The following TNPO1 variants were observed in gnomAD, a reference collection of about 807,000 sequenced individuals.
The protein encoded by TNPO1 is transportin 1, also known as transportin-1.
Under a neutral mutation model 119.5 loss-of-function variants are expected in TNPO1, and 8 were observed. That is an observed-to-expected ratio of 0.07 (90% CI 0.04 to 0.12). The LOEUF (loss-of-function observed/expected upper bound fraction) is 0.12. Among genes scored for constraint, TNPO1 ranks in the 10% least tolerant of loss-of-function variants. The pLI is 1.00. For missense variants in TNPO1, 576 were observed against 1,089.8 expected (o/e 0.53, Z 6.64); for synonymous variants, 362 against 363.0 (o/e 1.00, Z 0.03).
intron 23 of TNPO1, 40 bp from the exon 24 acceptor site, chr5:72,905,263 C>G (rs768598101): frequency 8.2e-6 from 12 of 1,457,368 alleles, no homozygotes; most frequent in Middle Eastern, 4.9e-4. Flanking sequence ...CTGAATTTTT[C>G]TCTTGTTATT....
intron 14 of TNPO1, among the ~76,000 whole-genome samples, chr5:72,891,266 A>G (rs1172432092): frequency 1.3e-5 from 2 of 152,084 alleles, no homozygotes; most frequent in Non-Finnish European, 2.9e-5. Context: ...GGAGATCGAC[A>G]CCATCCTGGC....
intron 1 of TNPO1, among the ~76,000 whole-genome samples, chr5:72,824,545 T>C (rs149947009): frequency 7.4e-4 from 113 of 152,326 alleles, no homozygotes; most frequent in African/African-American, 2.7e-3. Flanking sequence ...AGCTGTTTGC[T>C]TCCCTTAGCC....
At chr5:72,904,273 C>G (rs1337782620) in intron 23 of TNPO1, among the ~76,000 whole-genome samples, 1 of 152,152 alleles carries the variant, frequency 6.6e-6, no homozygotes, top group Admixed American at 6.5e-5. Context: ...GTCGTGAACT[C>G]AAAGCTTGTG....
chr5:72,844,002 A>G (rs1023701777), intron 1 of TNPO1, among the ~76,000 whole-genome samples: 4 of 152,226 alleles, frequency 2.6e-5, no homozygotes, highest in Non-Finnish European at 5.9e-5. Flanking sequence ...CACTGAGCAC[A>G]TGGTAGTTCT....
chr5:72,868,459 A>AAAAAC (rs1747117985), intron 6 of TNPO1, among the ~76,000 whole-genome samples: 1 of 109,304 alleles, frequency 9.1e-6, no homozygotes, highest in South Asian at 2.6e-4. Flanking sequence ...AAAAAAAAAA[A>AAAAAC]CACAAAATAA....
intron 1 of TNPO1, among the ~76,000 whole-genome samples, chr5:72,823,299 C>G (rs1424293974): frequency 6.6e-6 from 1 of 152,116 alleles, no homozygotes; most frequent in Non-Finnish European, 1.5e-5. Flanking sequence ...GTCCCACTCT[C>G]CAGTCTTTAT....
chr5:72,831,123 G>T (rs946286317), intron 1 of TNPO1, among the ~76,000 whole-genome samples: 5 of 152,028 alleles, frequency 3.3e-5, no homozygotes, highest in African/African-American at 4.8e-5. Flanking sequence ...TTGCAGTAGA[G>T]ATTTTATTAT....
intron 1 of TNPO1, among the ~76,000 whole-genome samples, chr5:72,821,463 T>C (rs1743953473): frequency 6.6e-6 from 1 of 152,202 alleles, no homozygotes; most frequent in Non-Finnish European, 1.5e-5. Context: ...GATAAGAATA[T>C]AAAAGTACAG....
At chr5:72,884,766 A>G (rs566943638) in intron 11 of TNPO1, among the ~76,000 whole-genome samples, 2 of 150,752 alleles carry the variant, frequency 1.3e-5, no homozygotes, top group Admixed American at 6.6e-5. Context: ...TTTTTTTTCT[A>G]CATGTGAATG....
chr5:72,856,511 G>A (rs1445182684), intron 4 of TNPO1, among the ~76,000 whole-genome samples: 1 of 150,706 alleles, frequency 6.6e-6, no homozygotes, highest in Non-Finnish European at 1.5e-5. Flanking sequence ...GAGATTACAG[G>A]CCTGAGCCAT....
At chr5:72,875,809 T>G in intron 8 of TNPO1, 72 bp downstream of exon 8, 1 of 1,495,616 alleles carries the variant, frequency 6.7e-7, no homozygotes, top group Non-Finnish European at 9.1e-7. Flanking sequence ...AAATACAACA[T>G]ACCGGATGGG....
chr5:72,816,664 C>A lies in TNPO1; in HGVS notation c.-74C>A. 1.4e-6 allele frequency: 2 copies of A among 1,478,734 alleles called. No individual in the cohort carries two copies. The highest frequency in any genetic ancestry group is 2.7e-5 in the East Asian group (1 of 37,166). The allele number at this position is 1,478,734 out of a possible 1,614,324, so 91.6% of individuals were successfully genotyped here. A position where few individuals can be genotyped will look rare whatever the true frequency, so the allele number is the denominator to read the frequency against. On this transcript the variant is annotated 5_prime_UTR_variant, in exon 1 of 25. Coordinates refer to ENST00000337273, the MANE Select transcript of TNPO1 (RefSeq NM_002270.4). ...CGGTGAAGCCCAGATTCTCTTTGTT[C>A]CGCAGCCATTTCAGGCCCCGGACAG...
chr5:72,871,859 A>G (rs1183307331), intron 6 of TNPO1: 1 of 152,250 alleles, frequency 6.6e-6, no homozygotes, highest in Non-Finnish European at 1.5e-5. Flanking sequence ...ACTATGTCCC[A>G]TGGAGCCAAA....
chr5:72,848,009 A>G (rs534099022), intron 1 of TNPO1: 6 of 968,706 alleles, frequency 6.2e-6, no homozygotes, highest in East Asian at 1.1e-4. Context: ...CCCTTAAGTC[A>G]GTAGTAATCT....
chr5:72,896,223 A>G (rs575697857), intron 18 of TNPO1, among the ~76,000 whole-genome samples: 8 of 152,290 alleles, frequency 5.3e-5, no homozygotes, highest in African/African-American at 1.9e-4. Flanking sequence ...CATTGGCCAG[A>G]TACTGTTTTC....
intron 14 of TNPO1, 37 bp from the exon 15 acceptor site, chr5:72,891,773 T>C (rs150305839): frequency 0.011 from 15,592 of 1,416,734 alleles, 107 homozygotes; most frequent in Non-Finnish European, 0.013. Context: ...TGACATGTGA[T>C]AGTGGAATTT....
rs527446122 is a variant in TNPO1, at chr5:72,893,807, T to G, written c.2143+104T>G. 3.3e-5 allele frequency: 35 copies of G among 1,066,506 alleles called. No homozygotes were observed. The South Asian group carries it at 4.3e-4, about 13-fold the overall frequency. The allele number at this position is 1,066,506 out of a possible 1,614,324, so 66.1% of individuals were successfully genotyped here. A position where few individuals can be genotyped will look rare whatever the true frequency, so the allele number is the denominator to read the frequency against. On this transcript the variant is annotated intron_variant, in intron 18 of 24. Transcript: ENST00000337273. ...CTGAAATTGCATGGAATCCCAACAT[T>G]TATAAATGTACACTTTATTGGTTAA...
intron 1 of TNPO1, among the ~76,000 whole-genome samples, chr5:72,832,822 C>T (rs545992520): frequency 4.7e-4 from 71 of 152,132 alleles, no homozygotes; most frequent in African/African-American, 1.6e-3. Context: ...TTCTGTTGTC[C>T]GTAAAGAGGT....
chr5:72,871,530 T>G (rs1251540204), intron 6 of TNPO1, among the ~76,000 whole-genome samples: 1 of 152,306 alleles, frequency 6.6e-6, no homozygotes, highest in Admixed American at 6.5e-5. Flanking sequence ...ATAAGTAATA[T>G]GATTTCATAC....
Sources: gnomAD v4.1 joint callset for allele counts (sites outside exome capture counted in the v4.1 genomes callset) on GRCh38, gnomAD v4.1.1 for gene constraint, MANE v1.5 for transcripts, NCBI Gene and HGNC (gene_info 2026-07-23, HGNC 2026-07-21) for gene names.